The following KCND2 variants were observed in gnomAD, a reference collection of about 807,000 sequenced individuals.
KCND2 encodes the protein A-type voltage-gated potassium channel KCND2.
In KCND2, 16 loss-of-function variants were observed where a neutral mutation model predicts 54.4. The observed-to-expected ratio is 0.29, with a 90% CI of 0.20 to 0.45. The LOEUF is 0.45. Among genes scored for constraint, KCND2 ranks in the 20% least tolerant of loss-of-function variants. The pLI is 1.00. For missense variants in KCND2, 486 were observed against 824.2 expected (o/e 0.59, Z 5.02); for synonymous variants, 317 against 310.7 (o/e 1.02, Z -0.21).
chr7:120,432,760 G>C (rs9691272), intron 1 of KCND2, among the ~76,000 whole-genome samples: 9,311 of 152,044 alleles, frequency 0.061, 874 homozygotes, highest in African/African-American at 0.21. Context: ...TTATCAAAGG[G>C]AAACTTCCCT....
chr7:120,550,038 C>T (rs939105814), intron 1 of KCND2, among the ~76,000 whole-genome samples: 7 of 151,980 alleles, frequency 4.6e-5, no homozygotes, highest in Admixed American at 3.3e-4. Context: ...AGTGCAGAGC[C>T]AATCTCACAT....
intron 1 of KCND2, among the ~76,000 whole-genome samples, chr7:120,393,650 A>C (rs1801110801): frequency 6.6e-6 from 1 of 151,856 alleles, no homozygotes. Flanking sequence ...AAATTTAGAG[A>C]TTTCAGGCTG....
chr7:120,382,103 C>T (rs918577880), intron 1 of KCND2, among the ~76,000 whole-genome samples: 2 of 151,822 alleles, frequency 1.3e-5, no homozygotes, highest in East Asian at 3.9e-4. Context: ...TATTTGGAAG[C>T]ATATTCCAAC....
intron 1 of KCND2, among the ~76,000 whole-genome samples, chr7:120,544,942 A>G (rs1792025696): frequency 6.6e-6 from 1 of 151,868 alleles, no homozygotes; most frequent in South Asian, 2.1e-4. Context: ...CTGATTATTA[A>G]AAAATGAAGT....
chr7:120,572,908 A>G (rs533320299), intron 1 of KCND2, among the ~76,000 whole-genome samples: 1 of 152,210 alleles, frequency 6.6e-6, no homozygotes, highest in Non-Finnish European at 1.5e-5. Flanking sequence ...CCAAACACAC[A>G]CATATGCACA....
intron 1 of KCND2, among the ~76,000 whole-genome samples, chr7:120,690,937 C>T (rs1011737351): frequency 7.2e-5 from 11 of 152,148 alleles, no homozygotes; most frequent in Non-Finnish European, 1.3e-4. Context: ...TGGTAGGGAG[C>T]GCTGTGGATG....
intron 1 of KCND2, among the ~76,000 whole-genome samples, chr7:120,379,296 G>T (rs1800882235): frequency 2.0e-5 from 3 of 151,952 alleles, no homozygotes; most frequent in African/African-American, 7.2e-5. Context: ...ATATGTCAGG[G>T]AAATAGTAAT....
Position 120,274,171 on chromosome 7 carries a change from G to GGGTA in KCND2, c.-458_-455dup. Reference sequence around the variant, plus strand: ...AAAGGAAGGTTTGAAAGAGTGAGAAGGGTAGGTGTAAGGGTTCCCTAATTC... The same window carrying GGGTA: ...AAAGGAAGGTTTGAAAGAGTGAGAAGGGTAGGTAGGTGTAAGGGTTCCCTAATTC... On this transcript the variant is annotated 5_prime_UTR_variant, in exon 1 of 6. Transcript: ENST00000331113. The GGGTA allele has an allele frequency of 5.9e-6, 1 of 170,204 alleles. No homozygotes were observed. The highest frequency in any genetic ancestry group is 1.6e-4 in the East Asian group (1 of 6,214). The allele number at this position is 170,204 out of a possible 1,614,324, so 10.5% of individuals were successfully genotyped here. A position where few individuals can be genotyped will look rare whatever the true frequency, so the allele number is the denominator to read the frequency against.
intron 1 of KCND2, among the ~76,000 whole-genome samples, chr7:120,552,711 G>A (rs969468970): frequency 2.0e-5 from 3 of 151,996 alleles, no homozygotes; most frequent in African/African-American, 7.2e-5. Context: ...CCTCTCACAC[G>A]AGGGTCACTC....
intron 1 of KCND2, among the ~76,000 whole-genome samples, chr7:120,510,096 G>C (rs1199415173): frequency 6.6e-6 from 1 of 151,912 alleles, no homozygotes; most frequent in Admixed American, 6.6e-5. Flanking sequence ...TACATGCTTC[G>C]CTAGCGCTAA....
intron 1 of KCND2, among the ~76,000 whole-genome samples, chr7:120,618,927 G>C (rs559321780): frequency 4.6e-5 from 7 of 151,950 alleles, no homozygotes; most frequent in Non-Finnish European, 8.8e-5. Context: ...ATCCACCCCA[G>C]CCTCCTGAGT....
At chr7:120,530,075 CA>C (rs1188445059) in intron 1 of KCND2, among the ~76,000 whole-genome samples, 7 of 151,448 alleles carry the variant, frequency 4.6e-5, no homozygotes, top group Non-Finnish European at 8.8e-5. Context: ...GACCTTGTCT[CA>C]AAAAAATAAA....
At chr7:120,540,877 TA>T (rs1420102302) in intron 1 of KCND2, among the ~76,000 whole-genome samples, 1 of 152,196 alleles carries the variant, frequency 6.6e-6, no homozygotes, top group Non-Finnish European at 1.5e-5. Flanking sequence ...GTTATATAAC[TA>T]AAAAATATTT....
At chr7:120,419,778 A>G (rs1437046964) in intron 1 of KCND2, among the ~76,000 whole-genome samples, 2 of 152,152 alleles carry the variant, frequency 1.3e-5, no homozygotes, top group South Asian at 2.1e-4. Flanking sequence ...CAAAAACACG[A>G]TAAAAAGCTA....
intron 1 of KCND2, among the ~76,000 whole-genome samples, chr7:120,423,207 C>G (rs1375904653): frequency 6.6e-6 from 1 of 152,150 alleles, no homozygotes; most frequent in Non-Finnish European, 1.5e-5. Context: ...GCCACCTTTC[C>G]TAAACCAGAA....
At chr7:120,451,416 C>T (rs1345591941) in intron 1 of KCND2, among the ~76,000 whole-genome samples, 5 of 151,952 alleles carry the variant, frequency 3.3e-5, no homozygotes, top group Admixed American at 6.6e-5. Flanking sequence ...TCAATAAGGC[C>T]ATGTAGCTTA....
At chr7:120,736,768 G>T (rs1792876485) in intron 2 of KCND2, among the ~76,000 whole-genome samples, 1 of 151,684 alleles carries the variant, frequency 6.6e-6, no homozygotes, top group African/African-American at 2.4e-5. Context: ...CCATTTTACA[G>T]ATAACTTGCT....
At chr7:120,568,036 A>C (rs1430179223) in intron 1 of KCND2, among the ~76,000 whole-genome samples, 1 of 152,092 alleles carries the variant, frequency 6.6e-6, no homozygotes, top group Non-Finnish European at 1.5e-5. Context: ...TTAGAAGAAA[A>C]ATGTTTGTCA....
At chr7:120,434,414 A>G (rs899169799) in intron 1 of KCND2, among the ~76,000 whole-genome samples, 32 of 152,194 alleles carry the variant, frequency 2.1e-4, no homozygotes, top group African/African-American at 7.2e-4. Flanking sequence ...GGCAGTGTAC[A>G]GTTTTCTTAG....
Sources: allele counts gnomAD v4.1 joint callset (sites outside exome capture counted in the v4.1 genomes callset), GRCh38; gene constraint gnomAD v4.1.1; transcripts MANE v1.5; gene names NCBI Gene and HGNC (gene_info 2026-07-23, HGNC 2026-07-21).